FGFR2: variants seen among roughly 807,000 people sequenced by gnomAD.
FGFR2 encodes BEK fibroblast growth factor receptor.
In FGFR2, 19 loss-of-function variants were observed where a neutral mutation model predicts 95.9. That is an observed-to-expected ratio of 0.20 (90% CI 0.14 to 0.29). The LOEUF (loss-of-function observed/expected upper bound fraction) is 0.29. FGFR2 is among the 10% of genes least tolerant of loss of function. FGFR2 has a pLI of 1.00. For missense variants in FGFR2, 707 were observed against 1,056.9 expected, an observed-to-expected ratio of 0.67 and a Z score of 4.59; for synonymous variants, 392 against 393.3, an observed-to-expected ratio of 1.00 and a Z score of 0.04.
At chr10:121,526,074 T>C in intron 6 of FGFR2, 1 of 397,896 alleles carries the variant, frequency 2.5e-6, no homozygotes, top group Non-Finnish European at 4.4e-6. Context: ...GCCAGTCTCC[T>C]GCTCTCAGGC....
At chr10:121,557,358 C>T (rs1856299911) in intron 4 of FGFR2, among the ~76,000 whole-genome samples, 1 of 152,184 alleles carries the variant, frequency 6.6e-6, no homozygotes, top group African/African-American at 2.4e-5. Context: ...GCCCAGGCTG[C>T]ACTGCAGTGG....
chr10:121,579,946 G>A (rs1262414985), intron 2 of FGFR2, among the ~76,000 whole-genome samples: 1 of 152,132 alleles, frequency 6.6e-6, no homozygotes, highest in Admixed American at 6.5e-5. Context: ...GTGGCTCCTA[G>A]AAGCTGCTGC....
intron 3 of FGFR2, 80 bp downstream of exon 3, chr10:121,565,358 A>G (rs1857520719): frequency 6.3e-6 from 10 of 1,577,946 alleles, no homozygotes; most frequent in Admixed American, 1.7e-5. Context: ...ACAATTAGAG[A>G]TCTCACTACC....
intron 4 of FGFR2, among the ~76,000 whole-genome samples, chr10:121,559,853 T>A (rs1856698297): frequency 6.6e-6 from 1 of 152,346 alleles, no homozygotes; most frequent in South Asian, 2.1e-4. Context: ...CAGCATATAA[T>A]CCTTCTGAAC....
intron 9 of FGFR2, among the ~76,000 whole-genome samples, chr10:121,505,586 G>A (rs1314535176): frequency 2.0e-5 from 3 of 152,196 alleles, no homozygotes; most frequent in African/African-American, 2.4e-5. Flanking sequence ...GGGAAAAGAC[G>A]AGAAGGTAAA....
At chr10:121,579,614 T>C (rs1860501477) in intron 2 of FGFR2, among the ~76,000 whole-genome samples, 1 of 152,138 alleles carries the variant, frequency 6.6e-6, no homozygotes, top group African/African-American at 2.4e-5. Context: ...TATTCATCCA[T>C]CCAACACATT....
chr10:121,588,344 T>C (rs1033685281), intron 2 of FGFR2, among the ~76,000 whole-genome samples: 2 of 152,024 alleles, frequency 1.3e-5, no homozygotes. Flanking sequence ...CGAACCCCCA[T>C]GACACGAGTT....
chr10:121,567,670 G>A (rs1437506567), intron 2 of FGFR2, among the ~76,000 whole-genome samples: 3 of 152,254 alleles, frequency 2.0e-5, no homozygotes, highest in Non-Finnish European at 2.9e-5. Flanking sequence ...CAGTGGCAGA[G>A]GAGGGCTGGT....
At chr10:121,546,071 G>A (rs1338010286) in intron 5 of FGFR2, among the ~76,000 whole-genome samples, 5 of 151,910 alleles carry the variant, frequency 3.3e-5, no homozygotes, top group African/African-American at 1.2e-4. Context: ...CGAAGGAGGT[G>A]AGAATTGAGG....
chr10:121,481,923 G>A (rs1387380429), intron 17 of FGFR2: 6 of 271,448 alleles, frequency 2.2e-5, no homozygotes, highest in East Asian at 7.2e-5. Context: ...TGCAACCTCC[G>A]CCTCCCCGGT....
intron 2 of FGFR2, among the ~76,000 whole-genome samples, chr10:121,583,129 T>G (rs1297168220): frequency 6.6e-6 from 1 of 152,192 alleles, no homozygotes; most frequent in Non-Finnish European, 1.5e-5. Context: ...TTTTTTGGCT[T>G]TCTTAGTCTC....
chr10:121,508,108 G>A (rs951663044), intron 9 of FGFR2, among the ~76,000 whole-genome samples: 2 of 152,168 alleles, frequency 1.3e-5, no homozygotes, highest in Non-Finnish European at 2.9e-5. Context: ...AAGGTCTTGG[G>A]CATCCACAGA....
chr10:121,584,268 T>G (rs1861413843), intron 2 of FGFR2, among the ~76,000 whole-genome samples: 1 of 151,778 alleles, frequency 6.6e-6, no homozygotes, highest in African/African-American at 2.4e-5. Context: ...CAGGCAAACA[T>G]GGCAAGGATG....
chr10:121,581,221 G>A (rs562044727), intron 2 of FGFR2, among the ~76,000 whole-genome samples: 1 of 152,210 alleles, frequency 6.6e-6, no homozygotes, highest in African/African-American at 2.4e-5. Context: ...GGGAGAAGAG[G>A]GGCCTCTGAG....
At chr10:121,516,546 A>AG (rs1849731339) in intron 8 of FGFR2, among the ~76,000 whole-genome samples, 2 of 152,226 alleles carry the variant, frequency 1.3e-5, no homozygotes, top group Non-Finnish European at 2.9e-5. Flanking sequence ...ATCATAAGCT[A>AG]GCAAACCACA....
rs11365153 is a variant in FGFR2, at chr10:121,503,604, A to AT, written c.1439+185dup. 8.5e-3 allele frequency among the ~76,000 whole-genome samples: 1,257 copies of AT among 148,534 alleles called. 18 individuals are homozygous for AT. The highest frequency in any genetic ancestry group is 0.029 in the African/African-American group (1,182 of 40,668). On this transcript the variant is annotated intron_variant, in intron 10 of 17. Coordinates refer to ENST00000358487, the MANE Select transcript of FGFR2 (RefSeq NM_000141.5). ...CAAGTAGCTCTGCTTTCAAGGAGTTATTTTTTTTTTTAAATCCATTTTTTT... is the reference window on the plus strand; with the variant it reads ...CAAGTAGCTCTGCTTTCAAGGAGTTATTTTTTTTTTTTAAATCCATTTTTTT...
chr10:121,587,623 T>G (rs1862018087), intron 2 of FGFR2, among the ~76,000 whole-genome samples: 1 of 151,916 alleles, frequency 6.6e-6, no homozygotes, highest in African/African-American at 2.4e-5. Context: ...AGAAGACATA[T>G]ATACGTCCCA....
intron 10 of FGFR2, among the ~76,000 whole-genome samples, chr10:121,503,181 G>C (rs3135778): frequency 0.012 from 1,752 of 152,278 alleles, 59 homozygotes; most frequent in Admixed American, 0.073. Flanking sequence ...GTTCAAGCGA[G>C]ACCAAGAGAT....
chr10:121,537,551 T>C (rs1213948143), intron 6 of FGFR2, among the ~76,000 whole-genome samples: 1 of 152,160 alleles, frequency 6.6e-6, no homozygotes. Context: ...GAGATGATAC[T>C]AGGCACACAC....
Sources: allele counts gnomAD v4.1 joint callset (sites outside exome capture counted in the v4.1 genomes callset), GRCh38; gene constraint gnomAD v4.1.1; transcripts MANE v1.5; gene names NCBI Gene and HGNC (gene_info 2026-07-23, HGNC 2026-07-21).